CDK5RAP2: variants seen among roughly 807,000 people sequenced by gnomAD.
CDK5RAP2 encodes CDK5 regulatory subunit-associated protein 2.
Under a neutral mutation model 232.9 loss-of-function variants are expected in CDK5RAP2, and 147 were observed. The ratio of observed to expected loss-of-function variants is 0.63; its 90% CI spans 0.55 to 0.72. The LOEUF is 0.72. CDK5RAP2 is among the 30% of genes least tolerant of loss of function. The probability of loss-of-function intolerance (pLI) is 0.00; values close to 1 mark genes in which losing one functional copy is unlikely to be tolerated. For missense variants in CDK5RAP2, 2,195 were observed against 2,231.5 expected, an observed-to-expected ratio of 0.98 and a Z score of 0.33; for synonymous variants, 833 against 833.7, an observed-to-expected ratio of 1.00 and a Z score of 0.01.
At chr9:120,460,427 T>C in intron 19 of CDK5RAP2, 145 bp downstream of exon 19, 1 of 738,986 alleles carries the variant, frequency 1.4e-6, no homozygotes, top group East Asian at 2.7e-5. Flanking sequence ...GGAAAAGACC[T>C]AGTCTTTGCT....
chr9:120,439,755 C>T lies in CDK5RAP2; in HGVS notation c.3366G>A (p.Glu1122=), dbSNP rs2035789318. The T allele has an allele frequency of 6.2e-7, 1 of 1,614,046 alleles. No homozygotes were observed. The highest frequency in any genetic ancestry group is 1.1e-5 in the South Asian group (1 of 91,084). Residue 1122 remains glutamate (E), a synonymous_variant, in exon 24 of 38, where the codon GAG becomes GAA. Coordinates refer to ENST00000349780, the MANE Select transcript of CDK5RAP2 (RefSeq NM_018249.6). ...ATATGAAATTCTGGTAGCCTTCCAG[C>T]TCAGTTTCCAAGTCATGGATTTTCT... ...LKQKIHDLET[E]LEGYQNFIFQ... is the part of the protein sequence containing the mutation.
At chr9:120,459,586 AATT>A (rs1315446709) in intron 19 of CDK5RAP2, among the ~76,000 whole-genome samples, 4 of 152,250 alleles carry the variant, frequency 2.6e-5, no homozygotes, top group Admixed American at 2.0e-4. Flanking sequence ...TAATAAAAAT[AATT>A]ATTATTTACT....
chr9:120,441,737 C>T (rs1337113798), intron 23 of CDK5RAP2, among the ~76,000 whole-genome samples: 1 of 152,192 alleles, frequency 6.6e-6, no homozygotes, highest in South Asian at 2.1e-4. Flanking sequence ...TAAAGTATGG[C>T]ATTTCATTTC....
In CDK5RAP2 at chr9:120,394,746, A is replaced by C. The variant is rs1402235672; in HGVS notation, c.5452-108T>G. On this transcript the variant is annotated intron_variant, in intron 35 of 37. Coordinates refer to ENST00000349780, the MANE Select transcript of CDK5RAP2 (RefSeq NM_018249.6). The stretch of plus-strand genomic sequence containing the variant: ...GATGATGCTCAACCTCACTAGCAAA[A>C]ATATTTGAATGGAAACTAGAAGCCT... 3.2e-6 allele frequency: 3 copies of C among 926,010 alleles called. No individual in the cohort carries two copies. In the East Asian group the frequency reaches 7.7e-5, roughly 24 times the overall value. 57.4% of individuals were successfully genotyped at this position (926,010 alleles called of 1,614,324 possible). A position where few individuals can be genotyped will look rare whatever the true frequency, so the allele number is the denominator to read the frequency against.
At chr9:120,415,681 A>G (rs1027950442) in intron 27 of CDK5RAP2, among the ~76,000 whole-genome samples, 7 of 152,268 alleles carry the variant, frequency 4.6e-5, no homozygotes, top group African/African-American at 1.4e-4. Context: ...TGATCTCAAC[A>G]GAACATCTTA....
At chr9:120,464,878 G>A (rs938677407) in intron 18 of CDK5RAP2, among the ~76,000 whole-genome samples, 1 of 152,156 alleles carries the variant, frequency 6.6e-6, no homozygotes, top group African/African-American at 2.4e-5. Context: ...CAAATTGTTA[G>A]AAAGTTCCTC....
intron 35 of CDK5RAP2, among the ~76,000 whole-genome samples, chr9:120,397,265 C>T (rs1279932803): frequency 6.6e-6 from 1 of 152,188 alleles, no homozygotes. Context: ...CATCCAGCTT[C>T]AGCAATGATC....
intron 8 of CDK5RAP2, 115 bp downstream of exon 8, chr9:120,529,863 C>T: frequency 1.0e-6 from 1 of 994,566 alleles, no homozygotes; most frequent in Non-Finnish European, 1.6e-6. Context: ...TGACAGGGGA[C>T]TCATATTTAG....
intron 25 of CDK5RAP2, among the ~76,000 whole-genome samples, chr9:120,427,486 C>T (rs185870668): frequency 0.024 from 3,718 of 152,248 alleles, 148 homozygotes; most frequent in African/African-American, 0.084. Context: ...GGGATCTGAA[C>T]TCCAGTCTGT....
At chr9:120,396,503 G>T (rs1437945035) in intron 35 of CDK5RAP2, among the ~76,000 whole-genome samples, 4 of 152,202 alleles carry the variant, frequency 2.6e-5, no homozygotes, top group African/African-American at 9.7e-5. Context: ...GTCAGCTCAG[G>T]TTTCACCTCT....
intron 2 of CDK5RAP2, among the ~76,000 whole-genome samples, chr9:120,569,414 A>T (rs12340229): frequency 6.6e-6 from 1 of 152,256 alleles, no homozygotes; most frequent in Non-Finnish European, 1.5e-5. Flanking sequence ...GATAGGAAAT[A>T]GGAGGCATGG....
At chr9:120,499,619 C>T (rs924012410) in intron 12 of CDK5RAP2, among the ~76,000 whole-genome samples, 1 of 152,064 alleles carries the variant, frequency 6.6e-6, no homozygotes, top group Non-Finnish European at 1.5e-5. Flanking sequence ...TTACTCCAAA[C>T]AGCCAGACCA....
chr9:120,518,363 C>T, intron 12 of CDK5RAP2, 64 bp downstream of exon 12: 1 of 1,346,328 alleles, frequency 7.4e-7, no homozygotes, highest in Non-Finnish European at 1.1e-6. Context: ...ACCCTACAAC[C>T]AGACACAGCC....
intron 28 of CDK5RAP2, among the ~76,000 whole-genome samples, chr9:120,413,844 A>AGGG (rs796368818): frequency 6.7e-6 from 1 of 148,430 alleles, no homozygotes; most frequent in African/African-American, 2.5e-5. Flanking sequence ...GGGAGGAGGG[A>AGGG]AGGAGGAGGG....
chr9:120,447,795 T>C (rs1199281841), intron 22 of CDK5RAP2, 100 bp downstream of exon 22: 1 of 899,654 alleles, frequency 1.1e-6, no homozygotes, highest in Non-Finnish European at 1.9e-6. Context: ...AAATTTATAC[T>C]CAAACTTATT....
intron 1 of CDK5RAP2, among the ~76,000 whole-genome samples, chr9:120,575,539 T>C (rs2043002740): frequency 6.6e-6 from 1 of 152,198 alleles, no homozygotes; most frequent in African/African-American, 2.4e-5. Context: ...CCTTGACAAA[T>C]TGTTTCATGA....
chr9:120,453,418 A>G (rs772302915), intron 21 of CDK5RAP2, 38 bp downstream of exon 21: 1 of 1,566,436 alleles, frequency 6.4e-7, no homozygotes, highest in South Asian at 1.1e-5. Flanking sequence ...TTTTGTTTGG[A>G]TAAAGTAAGT....
chr9:120,483,450 T>C (rs1463815418), intron 14 of CDK5RAP2, among the ~76,000 whole-genome samples: 2 of 152,204 alleles, frequency 1.3e-5, no homozygotes, highest in African/African-American at 4.8e-5. Context: ...AGGTCCATGG[T>C]GCTGCCCCAG....
chr9:120,436,666 C>T (rs992073953), intron 25 of CDK5RAP2, among the ~76,000 whole-genome samples: 2 of 151,924 alleles, frequency 1.3e-5, no homozygotes, highest in Non-Finnish European at 2.9e-5. Flanking sequence ...AATAATAGAG[C>T]GCGTGTGTGT....
Sources: allele counts gnomAD v4.1 joint callset (sites outside exome capture counted in the v4.1 genomes callset), GRCh38; gene constraint gnomAD v4.1.1; transcripts MANE v1.5; gene names NCBI Gene and HGNC (gene_info 2026-07-23, HGNC 2026-07-21).